CABCOCO1: variants seen among roughly 807,000 people sequenced by gnomAD.
CABCOCO1 encodes the protein ciliary-associated calcium-binding coiled-coil protein 1.
Under a neutral mutation model 35.7 loss-of-function variants are expected in CABCOCO1, and 28 were observed. The observed-to-expected ratio is 0.78, with a 90% CI of 0.58 to 1.07. The LOEUF (loss-of-function observed/expected upper bound fraction) is 1.07. Ranked by LOEUF, CABCOCO1 falls within the 50% of genes least tolerant of loss-of-function variation. The pLI is 0.00. For missense variants in CABCOCO1, 326 were observed against 309.2 expected (o/e 1.05, Z -0.41); for synonymous variants, 95 against 100.1 (o/e 0.95, Z 0.30).
intron 5 of CABCOCO1, among the ~76,000 whole-genome samples, chr10:61,701,356 GTGA>G (rs1404746919): frequency 2.0e-5 from 3 of 152,052 alleles, no homozygotes; most frequent in Non-Finnish European, 4.4e-5. Flanking sequence ...TCATGTTTAT[GTGA>G]TTAGGCAGTG....
At chr10:61,735,819 C>T (rs1265055222) in intron 5 of CABCOCO1, among the ~76,000 whole-genome samples, 1 of 152,100 alleles carries the variant, frequency 6.6e-6, no homozygotes, top group Non-Finnish European at 1.5e-5. Context: ...CTTCCCATAG[C>T]AGTTCTGAAG....
At chr10:61,703,268 A>ACACT (rs1840507847) in intron 5 of CABCOCO1, among the ~76,000 whole-genome samples, 1 of 144,196 alleles carries the variant, frequency 6.9e-6, no homozygotes, top group South Asian at 2.2e-4. Context: ...ACACACACAC[A>ACACT]CTCTAAACAG....
At chr10:61,760,394 C>T (rs1018426808) in intron 6 of CABCOCO1, among the ~76,000 whole-genome samples, 1 of 152,022 alleles carries the variant, frequency 6.6e-6, no homozygotes, top group African/African-American at 2.4e-5. Flanking sequence ...TAATCTCCAC[C>T]TTCACTTTCC....
At chr10:61,699,677 G>A (rs1840398215) in intron 5 of CABCOCO1, among the ~76,000 whole-genome samples, 1 of 151,990 alleles carries the variant, frequency 6.6e-6, no homozygotes, top group Admixed American at 6.6e-5. Flanking sequence ...AGAGAAGAAG[G>A]AAGGAATAAA....
At chr10:61,696,116 C>T (rs1400123102) in intron 5 of CABCOCO1, among the ~76,000 whole-genome samples, 2 of 152,062 alleles carry the variant, frequency 1.3e-5, no homozygotes, top group Admixed American at 6.6e-5. Flanking sequence ...GTTTAAAATA[C>T]ACGATGACAA....
chr10:61,734,828 C>G (rs1841380315), intron 5 of CABCOCO1, among the ~76,000 whole-genome samples: 1 of 151,922 alleles, frequency 6.6e-6, no homozygotes, highest in Non-Finnish European at 1.5e-5. Flanking sequence ...AAAACAAGAA[C>G]AAAAATAGGA....
At chr10:61,716,962 G>T (rs189323493) in intron 5 of CABCOCO1, among the ~76,000 whole-genome samples, 73 of 152,108 alleles carry the variant, frequency 4.8e-4, no homozygotes, top group Admixed American at 3.7e-3. Context: ...AATAATAGTT[G>T]TGTGTATTTT....
At chr10:61,668,405 T>C (rs894097527) in intron 1 of CABCOCO1, among the ~76,000 whole-genome samples, 1 of 152,010 alleles carries the variant, frequency 6.6e-6, no homozygotes, top group Admixed American at 6.6e-5. Flanking sequence ...TAACATAGAA[T>C]TTATTTGTTA....
intron 2 of CABCOCO1, among the ~76,000 whole-genome samples, chr10:61,679,383 G>T (rs983610546): frequency 7.2e-5 from 11 of 151,970 alleles, no homozygotes; most frequent in Non-Finnish European, 1.2e-4. Context: ...AAACCTTAAA[G>T]TACCATTCCA....
At chr10:61,749,106 A>AT (rs1216643383) in intron 5 of CABCOCO1, among the ~76,000 whole-genome samples, 1 of 152,176 alleles carries the variant, frequency 6.6e-6, no homozygotes, top group East Asian at 1.9e-4. Flanking sequence ...TCTATAGTCA[A>AT]TTTTCTGATA....
At chr10:61,666,753 A>G (rs1839185750) in intron 1 of CABCOCO1, among the ~76,000 whole-genome samples, 1 of 151,580 alleles carries the variant, frequency 6.6e-6, no homozygotes, top group South Asian at 2.1e-4. Flanking sequence ...TGAATTACTG[A>G]TTATGTCAGC....
intron 5 of CABCOCO1, among the ~76,000 whole-genome samples, chr10:61,721,100 ATTT>A (rs1018900788): frequency 4.7e-5 from 7 of 150,406 alleles, no homozygotes; most frequent in African/African-American, 1.7e-4. Flanking sequence ...AATTTTTTGT[ATTT>A]TTAGTAGAGA....
intron 5 of CABCOCO1, among the ~76,000 whole-genome samples, chr10:61,738,068 A>G (rs1158211864): frequency 2.0e-5 from 3 of 149,950 alleles, no homozygotes; most frequent in African/African-American, 7.5e-5. Context: ...AAAAAAAAAA[A>G]CAAAGACACC....
chr10:61,753,232 G>C (rs1241070097), intron 5 of CABCOCO1, among the ~76,000 whole-genome samples: 1 of 151,976 alleles, frequency 6.6e-6, no homozygotes. Context: ...GAACGCTCTA[G>C]AAGAAACTAA....
chr10:61,765,422 T>C (rs1050338815), intron 7 of CABCOCO1, among the ~76,000 whole-genome samples: 4 of 152,184 alleles, frequency 2.6e-5, no homozygotes, highest in African/African-American at 9.6e-5. Context: ...GTGGCATCAT[T>C]CCAAGAGTTC....
At chr10:61,710,738 G>A (rs1055331734) in intron 5 of CABCOCO1, among the ~76,000 whole-genome samples, 1 of 151,776 alleles carries the variant, frequency 6.6e-6, no homozygotes, top group African/African-American at 2.4e-5. Flanking sequence ...GATTTTTGAG[G>A]TGGACCCAAT....
rs57787708 is a variant in CABCOCO1, at chr10:61,694,503, G to A, written c.552+3882G>A. Among the ~76,000 whole-genome samples the A allele has an allele frequency of 1.1e-3, 168 of 151,386 alleles. 5 individuals are homozygous for A. In the East Asian group the frequency reaches 0.031, roughly 28 times the overall value. The stretch of plus-strand genomic sequence containing the variant: ...AGAAATTAGATTTTTACCTTATACC[G>A]AACTTAAAAATGAATCCAATTTATT... On this transcript the variant is annotated intron_variant, in intron 5 of 7. Coordinates refer to ENST00000648843, the MANE Select transcript of CABCOCO1 (RefSeq NM_001366906.2).
intron 5 of CABCOCO1, among the ~76,000 whole-genome samples, chr10:61,697,543 T>C (rs979378598): frequency 1.3e-5 from 2 of 152,166 alleles, no homozygotes; most frequent in African/African-American, 4.8e-5. Context: ...CCAAAAGAAT[T>C]TATACTAACA....
chr10:61,667,180 A>C (rs1839211553), intron 1 of CABCOCO1, among the ~76,000 whole-genome samples: 1 of 145,812 alleles, frequency 6.9e-6, no homozygotes, highest in African/African-American at 2.5e-5. Flanking sequence ...AACATTTTAC[A>C]TATTATATAT....
Sources: gnomAD v4.1 joint callset for allele counts (sites outside exome capture counted in the v4.1 genomes callset) on GRCh38, gnomAD v4.1.1 for gene constraint, MANE v1.5 for transcripts, NCBI Gene and HGNC (gene_info 2026-07-23, HGNC 2026-07-21) for gene names.